The following CAMTA1 variants were observed in gnomAD, a reference collection of about 807,000 sequenced individuals.
CAMTA1 encodes the protein calmodulin-binding transcription activator 1.
Under a neutral mutation model 170.9 loss-of-function variants are expected in CAMTA1, and 27 were observed. The observed-to-expected ratio is 0.16, with a 90% CI of 0.12 to 0.22. The LOEUF (loss-of-function observed/expected upper bound fraction) is 0.22. CAMTA1 is among the 10% of genes least tolerant of loss of function. The pLI is 1.00. For missense variants in CAMTA1, 1,619 were observed against 2,217.2 expected (o/e 0.73, Z 5.42); for synonymous variants, 833 against 891.5 (o/e 0.93, Z 1.17).
rs1310119660 is a variant in CAMTA1, at chr1:7,570,363, G to A, written c.511-70037G>A. On this transcript the variant is annotated intron_variant, in intron 6 of 22. Coordinates refer to ENST00000303635, the MANE Select transcript of CAMTA1 (RefSeq NM_015215.4). The surrounding 1 kb of genome is among the most constrained non-coding windows in gnomAD (Gnocchi z 4.3). ...AATTGGGGCCCTTTCAGAGAGGGCC[G>A]GAGAACTTATTGCTTAAGCTGGAAG... 1.3e-5 allele frequency among the ~76,000 whole-genome samples: 2 copies of A among 152,198 alleles called. No homozygotes were observed. The highest frequency in any genetic ancestry group is 2.4e-5 in the African/African-American group (1 of 41,442).
At chr1:7,035,587 T>C (rs985748172) in intron 3 of CAMTA1, among the ~76,000 whole-genome samples, 1 of 152,202 alleles carries the variant, frequency 6.6e-6, no homozygotes, top group African/African-American at 2.4e-5. Context: ...CCACGGTTGC[T>C]TTTGCTCCAG....
intron 3 of CAMTA1, among the ~76,000 whole-genome samples, chr1:6,916,616 A>G (rs1314298085): frequency 6.6e-6 from 1 of 152,004 alleles, no homozygotes; most frequent in East Asian, 1.9e-4. Flanking sequence ...CTTCTCTCCT[A>G]CTTTCTCCAC....
At chr1:7,416,208 C>T (rs982319603) in intron 5 of CAMTA1, among the ~76,000 whole-genome samples, 1 of 152,090 alleles carries the variant, frequency 6.6e-6, no homozygotes, top group African/African-American at 2.4e-5. Flanking sequence ...TCCTTCATTT[C>T]AACTTTGGTG....
intron 5 of CAMTA1, among the ~76,000 whole-genome samples, chr1:7,265,789 GC>G (rs1668832400): frequency 6.6e-6 from 1 of 152,180 alleles, no homozygotes; most frequent in African/African-American, 2.4e-5. Flanking sequence ...CCCTGGGCCT[GC>G]CCTAGACTAA....
chr1:6,961,108 T>C (rs1270660972), intron 3 of CAMTA1, among the ~76,000 whole-genome samples: 1 of 152,230 alleles, frequency 6.6e-6, no homozygotes, highest in Non-Finnish European at 1.5e-5. Flanking sequence ...GTTTCTGGAA[T>C]GAATTCTCAT....
chr1:7,362,031 A>C (rs60243533), intron 5 of CAMTA1, among the ~76,000 whole-genome samples: 5,485 of 152,314 alleles, frequency 0.036, 333 homozygotes, highest in African/African-American at 0.12. Context: ...CAACCCTGAA[A>C]ATTTTCTCTA....
chr1:6,803,921 G>A (rs1459615027), intron 1 of CAMTA1, among the ~76,000 whole-genome samples: 2 of 151,726 alleles, frequency 1.3e-5, no homozygotes, highest in Non-Finnish European at 2.9e-5. Context: ...GGTGGCTCAC[G>A]CCTGTAATCC....
chr1:6,825,388 C>G (rs1364750592), intron 3 of CAMTA1, among the ~76,000 whole-genome samples, 178 bp downstream of exon 3: 1 of 152,148 alleles, frequency 6.6e-6, no homozygotes, highest in African/African-American at 2.4e-5. Flanking sequence ...TGATCTGTCT[C>G]TGATCTGCTT....
chr1:7,519,665 T>A (rs1387186511), intron 6 of CAMTA1, among the ~76,000 whole-genome samples: 1 of 151,806 alleles, frequency 6.6e-6, no homozygotes, highest in Non-Finnish European at 1.5e-5. Context: ...TCAGGCCGCA[T>A]ACACAGCTGT....
rs917388629 is a variant in CAMTA1, at chr1:7,065,906, G to A, written c.235-25398G>A. ...GACTGGGTGTGAAATGGAGAAGAACGCAGCACTGGCTTAAACTTGACTGTG... is the reference window on the plus strand; with the variant it reads ...GACTGGGTGTGAAATGGAGAAGAACACAGCACTGGCTTAAACTTGACTGTG... On this transcript the variant is annotated intron_variant, in intron 3 of 22. Transcript: ENST00000303635. This position sits in a 1 kb window ranked among gnomAD's most constrained non-coding sequence, Gnocchi z 5.2. Among the ~76,000 whole-genome samples, 2 of 152,164 alleles carry A rather than the reference G, an allele frequency of 1.3e-5. No homozygotes were observed. The highest frequency in any genetic ancestry group is 2.4e-5 in the African/African-American group (1 of 41,438).
At chr1:7,045,830 C>T (rs1010955435) in intron 3 of CAMTA1, among the ~76,000 whole-genome samples, 1 of 152,248 alleles carries the variant, frequency 6.6e-6, no homozygotes, top group Admixed American at 6.5e-5. Flanking sequence ...TACTAGTTCT[C>T]TCTTTCCATT....
chr1:6,902,039 TCACACACACA>T (rs536174579), intron 3 of CAMTA1, among the ~76,000 whole-genome samples: 105 of 114,368 alleles, frequency 9.2e-4, no homozygotes, highest in Non-Finnish European at 1.7e-3. Context: ...GGTGAGACTG[TCACACACACA>T]CACACACACA....
At chr1:7,336,006 A>G (rs1466733457) in intron 5 of CAMTA1, among the ~76,000 whole-genome samples, 1 of 152,238 alleles carries the variant, frequency 6.6e-6, no homozygotes, top group African/African-American at 2.4e-5. Context: ...CCCAAGAAGC[A>G]GCCCTCTCCT....
chr1:6,959,951 C>G (rs933171911), intron 3 of CAMTA1, among the ~76,000 whole-genome samples: 2 of 152,186 alleles, frequency 1.3e-5, no homozygotes, highest in Non-Finnish European at 2.9e-5. Flanking sequence ...TCACCAGATC[C>G]TGCTCTAAAC....
At position 7,262,782 on chromosome 1, in the gene CAMTA1, AG is replaced by A. The variant is rs201100838; in HGVS notation, c.438+13158del. Among the ~76,000 whole-genome samples the A allele has an allele frequency of 9.1e-3, 1,388 of 152,240 alleles. 19 individuals are homozygous for A. Among genetic ancestry groups the A allele is most frequent in the Admixed American group, 0.042 (645 of 15,290 alleles). On this transcript the variant is annotated intron_variant, in intron 5 of 22. Transcript: ENST00000303635. Reference sequence around the variant, plus strand: ...TGTCACACCAGCACCTAGCACAGTAAGGCTTGGTGTGTGTTTCCTGAATGAC... The same window carrying A: ...TGTCACACCAGCACCTAGCACAGTAAGCTTGGTGTGTGTTTCCTGAATGAC...
chr1:7,701,703 G>C (rs1359274021), intron 11 of CAMTA1, among the ~76,000 whole-genome samples: 2 of 152,052 alleles, frequency 1.3e-5, no homozygotes, highest in Non-Finnish European at 2.9e-5. Flanking sequence ...TTACAGGTGT[G>C]AGCCACCGTG....
intron 6 of CAMTA1, among the ~76,000 whole-genome samples, chr1:7,615,561 T>C (rs577522991): frequency 1.3e-5 from 2 of 152,356 alleles, no homozygotes; most frequent in East Asian, 3.9e-4. Flanking sequence ...CGCTTCTTGA[T>C]GCAAAGCCAA....
At chr1:7,089,551 A>ATCCCC (rs1641205320) in intron 3 of CAMTA1, among the ~76,000 whole-genome samples, 1 of 129,990 alleles carries the variant, frequency 7.7e-6, no homozygotes, top group Non-Finnish European at 1.7e-5. Flanking sequence ...ATCCCATCCC[A>ATCCCC]TCCCATCCCA....
At chr1:6,927,653 A>T (rs1683583309) in intron 3 of CAMTA1, among the ~76,000 whole-genome samples, 1 of 152,192 alleles carries the variant, frequency 6.6e-6, no homozygotes, top group African/African-American at 2.4e-5. Context: ...CAGCTTTACC[A>T]TGGCCTGACA....
Sources: allele counts gnomAD v4.1 joint callset (sites outside exome capture counted in the v4.1 genomes callset), GRCh38; gene constraint gnomAD v4.1.1; non-coding constraint Gnocchi (gnomAD v3.1); transcripts MANE v1.5; gene names NCBI Gene and HGNC (gene_info 2026-07-23, HGNC 2026-07-21).